ZAN: variants seen among roughly 807,000 people sequenced by gnomAD.
ZAN encodes zonadhesin (gene/pseudogene).
A neutral mutation model predicts 286.2 loss-of-function variants in ZAN; 260 were observed. The observed-to-expected ratio is 0.91, with a 90% CI of 0.82 to 1.01. ZAN has a LOEUF of 1.01. ZAN is among the 50% of genes least tolerant of loss of function. ZAN has a pLI of 0.00. For synonymous variants in ZAN, 1,368 were observed against 1,417.5 expected (o/e 0.97, Z 0.79); for missense variants, 3,410 against 3,639.2 (o/e 0.94, Z 1.62).
At position 100,793,859 on chromosome 7, in the gene ZAN, T is replaced by C. The variant is rs1562960137; in HGVS notation, c.7827T>C (p.Tyr2609=). 1.2e-6 allele frequency: 2 copies of C among 1,613,086 alleles called. No individual in the cohort carries two copies. The highest frequency in any genetic ancestry group is 1.1e-5 in the South Asian group (1 of 90,956). Residue 2609 remains tyrosine (Y), a synonymous_variant, in exon 43 of 48, where the codon TAT becomes TAC. Coordinates refer to ENST00000613979, the MANE Select transcript of ZAN (RefSeq NM_003386.3). The part of the protein sequence containing the change: ...VSSRYHISEL[Y]DTLPSILCQP... ...GCAGGTACCATATATCAGAGCTGTATGACACCCTGCCCAGCATCCTGTGCC... is the reference window on the plus strand; with the variant it reads ...GCAGGTACCATATATCAGAGCTGTACGACACCCTGCCCAGCATCCTGTGCC...
chr7:100,754,982 G>A (rs571114235), intron 14 of ZAN, among the ~76,000 whole-genome samples: 92 of 152,068 alleles, frequency 6.0e-4, no homozygotes, highest in African/African-American at 2.0e-3. Context: ...TAGGGATGGG[G>A]TCTCACTACG....
Position 100,736,626 on chromosome 7 carries a change from G to A in ZAN, c.250G>A (p.Gly84Arg), listed in dbSNP as rs1385432957. The A allele has an allele frequency of 1.6e-5, 25 of 1,522,070 alleles. 2 individuals are homozygous for A. In the African/African-American group the frequency reaches 1.8e-4, roughly 11 times the overall value. The allele number at this position is 1,522,070 out of a possible 1,614,324, so 94.3% of individuals were successfully genotyped here. The change falls in exon 4 of 48, where the codon GGA becomes AGA. Residue 84 changes from glycine (G) to arginine (R), a missense_variant. Gly to Arg is a moderately radical substitution (Grantham distance 125, BLOSUM62 -2). Around this residue, in one of 7 missense-constraint regions of ZAN, gnomAD observed 872 missense variants for 938.9 expected, o/e 0.93. Coordinates refer to ENST00000613979, the MANE Select transcript of ZAN (RefSeq NM_003386.3). ...CGGGGCCCCCGGGGGGTACCCTAACGGAGGTGAGGGGCTATGGTTTCCAGG... is the reference window on the plus strand; with the variant it reads ...CGGGGCCCCCGGGGGGTACCCTAACAGAGGTGAGGGGCTATGGTTTCCAGG... ...STGAPGGYPN[G>R]EGSYLHMESN...
chr7:100,771,551 C>T (rs191936394), intron 28 of ZAN, among the ~76,000 whole-genome samples: 54 of 152,090 alleles, frequency 3.6e-4, no homozygotes, highest in African/African-American at 1.2e-3. Flanking sequence ...CCTGCCCCAA[C>T]CTCCCGAGTT....
chr7:100,754,383 C>T (rs559856555), intron 14 of ZAN, among the ~76,000 whole-genome samples: 204 of 151,858 alleles, frequency 1.3e-3, no homozygotes, highest in Non-Finnish European at 2.4e-3. Context: ...GGCGTGAACC[C>T]GGGAGGCAGA....
At chr7:100,768,189 G>C (rs535635879) in intron 26 of ZAN, among the ~76,000 whole-genome samples, 178 bp downstream of exon 26, 1 of 152,186 alleles carries the variant, frequency 6.6e-6, no homozygotes, top group African/African-American at 2.4e-5. Context: ...AGACAGAAAG[G>C]GGCCAGGCGC....
Position 100,751,852 on chromosome 7 carries a change from A to G in ZAN, c.1747A>G (p.Lys583Glu). The G allele has an allele frequency of 6.2e-7, 1 of 1,613,720 alleles. No individual in the cohort carries two copies. Among genetic ancestry groups the G allele is most frequent in the Non-Finnish European group, 8.5e-7 (1 of 1,179,856 alleles). ...SIEKPSVTTE[K>E]PTVPKEKPTI... ...AGAAAAACCCAGTGTCACCACAGAA[A>G]AGCCCACAGTCCCCAAAGAAAAGCC... Residue 583 changes from lysine (K) to glutamate (E), a missense_variant, in exon 14 of 48, where the codon AAG (lysine) becomes GAG (glutamate). Transcript: ENST00000613979.
chr7:100,794,944 A>G (rs183577713), intron 44 of ZAN, among the ~76,000 whole-genome samples: 6,485 of 149,672 alleles, frequency 0.043, 407 homozygotes, highest in African/African-American at 0.15. Flanking sequence ...AGAAGGAGGG[A>G]AGGAGAGAAG....
intron 11 of ZAN, among the ~76,000 whole-genome samples, chr7:100,749,573 G>C (rs1170291877): frequency 1.3e-5 from 2 of 150,154 alleles, no homozygotes; most frequent in African/African-American, 4.9e-5. Flanking sequence ...CCGGGAGGCA[G>C]AGCTTGCAGT....
At position 100,773,339 on chromosome 7, in the gene ZAN, A is replaced by T. The variant is rs1475015898; in HGVS notation, c.5480A>T (p.Asp1827Val). The T allele has an allele frequency of 1.2e-6, 2 of 1,613,846 alleles. No individual in the cohort carries two copies. Among genetic ancestry groups the T allele is most frequent in the Admixed American group, 3.3e-5 (2 of 59,992 alleles). The change falls in exon 30 of 48, where the codon GAC becomes GTC. Residue 1827 changes from aspartate to valine, a missense_variant. By Grantham distance (152) the Asp-to-Val change is radical. Coordinates refer to ENST00000613979, the MANE Select transcript of ZAN (RefSeq NM_003386.3). ...SYSPCSSPCP[D>V]TCSSINNPRD... ...AGCCCCTGCAGCAGCCCCTGCCCAGACACCTGCAGCAGCATAAACAACCCG... is the reference window on the plus strand; with the variant it reads ...AGCCCCTGCAGCAGCCCCTGCCCAGTCACCTGCAGCAGCATAAACAACCCG...
rs114740532 is a variant in ZAN, at chr7:100,783,412, G to A, written c.6623-1211G>A. Among the ~76,000 whole-genome samples the A allele has an allele frequency of 1.4e-3, 213 of 151,480 alleles. 1 individual carries two copies. The highest frequency in any genetic ancestry group is 5.1e-3 in the African/African-American group (210 of 41,292). On this transcript the variant is annotated intron_variant, in intron 35 of 47. Transcript: ENST00000613979. The stretch of plus-strand genomic sequence containing the variant: ...TTCAGCTCAACTTTGAAATCATCTT[G>A]TCCTATTAAAAGCACACACATATAT...
Position 100,764,377 on chromosome 7 carries a change from C to T in ZAN, c.4267+181C>T, listed in dbSNP as rs912335301. On this transcript the variant is annotated intron_variant, in intron 22 of 47. Coordinates refer to ENST00000613979, the MANE Select transcript of ZAN (RefSeq NM_003386.3). The stretch of plus-strand genomic sequence containing the variant: ...AGGCATGGTGGCATATGCCTGTAGT[C>T]CCAGCTACACTGGAGGCTGAGGCAG... Among the ~76,000 whole-genome samples, 5 of 152,188 alleles carry T rather than the reference C, an allele frequency of 3.3e-5. No homozygotes were observed. The East Asian group carries it at 7.7e-4, about 23-fold the overall frequency.
intron 7 of ZAN, among the ~76,000 whole-genome samples, chr7:100,741,125 T>C (rs1584547292): frequency 1.8e-5 from 1 of 57,108 alleles, no homozygotes; most frequent in African/African-American, 5.5e-5. Flanking sequence ...CCCACCTCCC[T>C]CCCGGACGGG....
In ZAN at chr7:100,737,031, G is replaced by A. The variant is rs1464152743; in HGVS notation, c.476G>A (p.Trp159Ter). The change falls in exon 5 of 48, where the codon TGG (tryptophan) becomes TAG (stop). Residue 159 changes from tryptophan to a stop codon, truncating the protein, a stop_gained. Coordinates refer to ENST00000613979, the MANE Select transcript of ZAN (RefSeq NM_003386.3). LOFTEE classifies it high-confidence loss of function. ...WKHWNTQRPS[W>*]MLTTVTVPAG... Reference sequence around the variant, plus strand: ...CACTGGAACACCCAGAGACCCTCCTGGATGCTCACCACCGTCACTGTGCCC... The same window carrying A: ...CACTGGAACACCCAGAGACCCTCCTAGATGCTCACCACCGTCACTGTGCCC... 6.7e-7 allele frequency: 1 copy of A among 1,499,506 alleles called. No homozygotes were observed. The allele number at this position is 1,499,506 out of a possible 1,614,324, so 92.9% of individuals were successfully genotyped here.
chr7:100,778,731 G>A (rs1810982518), intron 34 of ZAN, among the ~76,000 whole-genome samples: 1 of 152,004 alleles, frequency 6.6e-6, no homozygotes, highest in Non-Finnish European at 1.5e-5. Context: ...TCATTTGGGA[G>A]CACCAGATCA....
intron 7 of ZAN, among the ~76,000 whole-genome samples, chr7:100,743,607 T>C (rs1807968849): frequency 6.6e-6 from 1 of 152,134 alleles, no homozygotes; most frequent in Non-Finnish European, 1.5e-5. Flanking sequence ...CCAGGTGCAG[T>C]AGCTCATGCC....
At position 100,786,149 on chromosome 7, in the gene ZAN, G is replaced by A; in HGVS notation, c.6979+8G>A. 6.2e-7 allele frequency: 1 copy of A among 1,613,332 alleles called. No individual in the cohort carries two copies. Among genetic ancestry groups the A allele is most frequent in the Non-Finnish European group, 8.5e-7 (1 of 1,179,718 alleles). On this transcript the variant is annotated splice_region_variant and intron_variant, in intron 37 of 47. Coordinates refer to ENST00000613979, the MANE Select transcript of ZAN (RefSeq NM_003386.3). ...GCAATTGTGTCTCAGACAGTAAGGG[G>A]AGCGACCGGGGAGGTTGGAGAGGGG...
chr7:100,763,730 C>T lies in ZAN; in HGVS notation c.3987-76C>T. On this transcript the variant is annotated intron_variant, in intron 20 of 47. Coordinates refer to ENST00000613979, the MANE Select transcript of ZAN (RefSeq NM_003386.3). The surrounding 1 kb of genome is among the most constrained non-coding windows in gnomAD (Gnocchi z 4.6). ...TGGTTTGCCGGTCCCGGCCTGCCAG[C>T]CTTGCTGCCTGCTGGGTTAGGGATG... The T allele has an allele frequency of 2.0e-6, 3 of 1,482,314 alleles. No individual in the cohort carries two copies. The highest frequency in any genetic ancestry group is 1.9e-6 in the Non-Finnish European group (2 of 1,062,408). The allele number at this position is 1,482,314 out of a possible 1,614,324, so 91.8% of individuals were successfully genotyped here.
intron 35 of ZAN, among the ~76,000 whole-genome samples, chr7:100,782,935 A>G (rs1811284921): frequency 6.6e-6 from 1 of 152,160 alleles, no homozygotes; most frequent in South Asian, 2.1e-4. Context: ...CTGTATTTGC[A>G]TGTAGCAGTA....
chr7:100,769,925 C>A lies in ZAN; in HGVS notation c.5199C>A (p.Ser1733Arg). The A allele has an allele frequency of 6.4e-7, 1 of 1,566,528 alleles. No homozygotes were observed. The highest frequency in any genetic ancestry group is 8.7e-7 in the Non-Finnish European group (1 of 1,155,044). ...GGKPSSCQEN[S>R]MADAWNKNCA... is the part of the protein sequence containing the mutation. Reference sequence around the variant, plus strand: ...AGCCCTCCAGCTGCCAGGAGAACAGCATGGCAGACGCCTGGAACAAGAACT... The same window carrying A: ...AGCCCTCCAGCTGCCAGGAGAACAGAATGGCAGACGCCTGGAACAAGAACT... The change falls in exon 28 of 48, where the codon AGC (serine) becomes AGA (arginine). Residue 1733 changes from serine to arginine, a missense_variant. By Grantham distance (110) the Ser-to-Arg change is moderately radical. Around this residue, in one of 7 missense-constraint regions of ZAN, gnomAD observed 1,042 missense variants for 1,058.0 expected, o/e 0.98. Coordinates refer to ENST00000613979, the MANE Select transcript of ZAN (RefSeq NM_003386.3).
Sources: gnomAD v4.1 joint callset for allele counts (sites outside exome capture counted in the v4.1 genomes callset) on GRCh38, gnomAD v4.1.1 for gene constraint, gnomAD v4.1.1 regional missense constraint, Gnocchi (gnomAD v3.1) non-coding constraint, MANE v1.5 for transcripts, NCBI Gene and HGNC (gene_info 2026-07-23, HGNC 2026-07-21) for gene names.